DNAH14: variants seen among roughly 807,000 people sequenced by gnomAD.
DNAH14 encodes axonemal beta dynein heavy chain 14.
DNAH14 carries 478 observed loss-of-function variants against 520.9 expected under a neutral mutation model. The observed-to-expected ratio is 0.92, with a 90% CI of 0.85 to 0.99. The LOEUF (loss-of-function observed/expected upper bound fraction) is 0.99, where lower values mean the gene tolerates loss of function less well. DNAH14 is among the 50% of genes least tolerant of loss of function. DNAH14 has a pLI of 0.00. For missense variants in DNAH14, 4,831 were observed against 5,234.5 expected, an observed-to-expected ratio of 0.92 and a Z score of 2.38; for synonymous variants, 1,581 against 1,757.2, an observed-to-expected ratio of 0.90 and a Z score of 2.51.
At chr1:225,111,976 A>T (rs1353692362) in intron 23 of DNAH14, among the ~76,000 whole-genome samples, 1 of 152,040 alleles carries the variant, frequency 6.6e-6, no homozygotes, top group Non-Finnish European at 1.5e-5. Flanking sequence ...GGTTTTTTCT[A>T]TTTATACCAT....
intron 64 of DNAH14, among the ~76,000 whole-genome samples, chr1:225,325,776 A>T (rs1484077740): frequency 6.6e-6 from 1 of 152,256 alleles, no homozygotes; most frequent in East Asian, 1.9e-4. Flanking sequence ...GATATAATCA[A>T]CATTTTAAAA....
intron 21 of DNAH14, among the ~76,000 whole-genome samples, chr1:225,096,726 T>C (rs2075010995): frequency 6.6e-6 from 1 of 152,216 alleles, no homozygotes; most frequent in Admixed American, 6.5e-5. Context: ...TATATGTGCA[T>C]CTATATGTGA....
At chr1:224,954,887 T>A in intron 2 of DNAH14, 72 bp from the exon 3 acceptor site, 1 of 1,236,234 alleles carries the variant, frequency 8.1e-7, no homozygotes, top group African/African-American at 1.5e-5. Context: ...TTTGGTAATA[T>A]GCTAATAGCT....
At chr1:225,182,592 T>C (rs1022612640) in intron 36 of DNAH14, among the ~76,000 whole-genome samples, 4 of 152,010 alleles carry the variant, frequency 2.6e-5, no homozygotes, top group African/African-American at 9.7e-5. Context: ...AAGAACAGTC[T>C]CACACTGCCT....
Position 225,036,977 on chromosome 1 carries a change from A to G in DNAH14, c.1359-1717A>G, listed in dbSNP as rs977166756. Among the ~76,000 whole-genome samples, 5 of 151,966 alleles carry G rather than the reference A, an allele frequency of 3.3e-5. No homozygotes were observed. In the South Asian group the frequency reaches 1.0e-3, roughly 32 times the overall value. On this transcript the variant is annotated intron_variant, in intron 11 of 85. Transcript: ENST00000682510. ...TTGACCACTTTATCATTATATAATG[A>G]CCCTCTTTGTCTCTTTTTATACTTT...
rs149659852 is a variant in DNAH14, at chr1:225,204,169, A to G, written c.5887-14A>G. 34 of 1,328,098 alleles carry G rather than the reference A, an allele frequency of 2.6e-5. No homozygotes were observed. Among genetic ancestry groups the G allele is most frequent in the Non-Finnish European group, 3.0e-5 (30 of 993,876 alleles). The allele number at this position is 1,328,098 out of a possible 1,614,324, so 82.3% of individuals were successfully genotyped here. ...TTAAATAAAAATTTAAACATTATTG[A>G]TTACATATTTTAGGTTTTCAAACTT... is the stretch of plus-strand genomic sequence containing the variant. On this transcript the variant is annotated splice_polypyrimidine_tract_variant and intron_variant, in intron 38 of 85. Transcript: ENST00000682510.
intron 81 of DNAH14, among the ~76,000 whole-genome samples, chr1:225,381,939 C>T (rs1289148582): frequency 6.6e-6 from 1 of 152,136 alleles, no homozygotes; most frequent in Non-Finnish European, 1.5e-5. Context: ...TGGTCTTAAA[C>T]AGAAGACCAA....
intron 21 of DNAH14, among the ~76,000 whole-genome samples, chr1:225,094,810 T>A: frequency 7.4e-6 from 1 of 135,254 alleles, no homozygotes; most frequent in Admixed American, 7.2e-5. Context: ...CTTAAACACA[T>A]TTACAGGCAA....
intron 7 of DNAH14, among the ~76,000 whole-genome samples, chr1:224,970,932 C>T (rs1169973587): frequency 6.6e-6 from 1 of 152,078 alleles, no homozygotes; most frequent in Non-Finnish European, 1.5e-5. Flanking sequence ...ATTGAACAAA[C>T]CAAACAATTA....
At chr1:224,946,154 C>T (rs1558478907) in intron 1 of DNAH14, among the ~76,000 whole-genome samples, 1 of 152,196 alleles carries the variant, frequency 6.6e-6, no homozygotes, top group Non-Finnish European at 1.5e-5. Context: ...GTGGGAGCTT[C>T]CTGGCTGCTT....
chr1:225,283,425 G>T (rs2093668267), intron 54 of DNAH14, among the ~76,000 whole-genome samples: 1 of 138,300 alleles, frequency 7.2e-6, no homozygotes, highest in African/African-American at 2.6e-5. Flanking sequence ...AAAATTAAGT[G>T]TTCTGAGACC....
chr1:225,392,191 C>A, intron 83 of DNAH14, 100 bp from the exon 84 acceptor site: 1 of 1,367,356 alleles, frequency 7.3e-7, no homozygotes, highest in Non-Finnish European at 9.9e-7. Flanking sequence ...CTTTTTCCTC[C>A]ACTCTTCCCT....
At chr1:224,941,206 C>G (rs1267648630) in intron 1 of DNAH14, among the ~76,000 whole-genome samples, 1 of 152,100 alleles carries the variant, frequency 6.6e-6, no homozygotes. Flanking sequence ...TTAATGATTG[C>G]CATTCTAACT....
chr1:225,375,841 C>A (rs895693976), intron 78 of DNAH14, among the ~76,000 whole-genome samples: 3 of 151,838 alleles, frequency 2.0e-5, no homozygotes, highest in Non-Finnish European at 4.4e-5. Context: ...AATCCCAGCA[C>A]TTTGGGAAAC....
chr1:225,038,010 A>G (rs1374680224), intron 11 of DNAH14, among the ~76,000 whole-genome samples: 3 of 152,108 alleles, frequency 2.0e-5, no homozygotes, highest in African/African-American at 7.2e-5. Context: ...TTTTATGTGT[A>G]CTTACTGTTA....
chr1:225,392,636 T>C (rs1367188170), intron 84 of DNAH14, among the ~76,000 whole-genome samples, 185 bp downstream of exon 84: 1 of 152,130 alleles, frequency 6.6e-6, no homozygotes, highest in Non-Finnish European at 1.5e-5. Context: ...ACTCTCTTTC[T>C]GGGGGGGATA....
At chr1:225,201,257 T>C (rs1042811674) in intron 38 of DNAH14, among the ~76,000 whole-genome samples, 14 of 152,072 alleles carry the variant, frequency 9.2e-5, no homozygotes, top group Admixed American at 8.5e-4. Context: ...TAAAAATGTA[T>C]CCCCTCATTT....
intron 21 of DNAH14, among the ~76,000 whole-genome samples, chr1:225,087,160 T>C (rs772014881): frequency 4.6e-5 from 7 of 152,208 alleles, no homozygotes; most frequent in Non-Finnish European, 8.8e-5. Flanking sequence ...TGTATTTGGC[T>C]TATGGTTCTG....
intron 38 of DNAH14, among the ~76,000 whole-genome samples, chr1:225,195,629 A>C (rs987707606): frequency 2.6e-5 from 4 of 152,004 alleles, no homozygotes; most frequent in Non-Finnish European, 5.9e-5. Context: ...AACCCTGCAC[A>C]TATACCCCTG....
Sources: gnomAD v4.1 joint callset for allele counts (sites outside exome capture counted in the v4.1 genomes callset) on GRCh38, gnomAD v4.1.1 for gene constraint, MANE v1.5 for transcripts, NCBI Gene and HGNC (gene_info 2026-07-23, HGNC 2026-07-21) for gene names.